C4orf17: variants seen among roughly 807,000 people sequenced by gnomAD.
The protein encoded by C4orf17 is chromosome 4 open reading frame 17.
Under a neutral mutation model 32.0 loss-of-function variants are expected in C4orf17, and 25 were observed. The observed-to-expected ratio is 0.78, with a 90% CI of 0.57 to 1.09. The LOEUF is 1.09. C4orf17 is among the 50% of genes least tolerant of loss of function. C4orf17 has a pLI of 0.00. For missense variants in C4orf17, 420 were observed against 420.0 expected, an observed-to-expected ratio of 1.00 and a Z score of 0.00; for synonymous variants, 149 against 145.8, an observed-to-expected ratio of 1.02 and a Z score of -0.16.
intron 7 of C4orf17, among the ~76,000 whole-genome samples, 155 bp from the exon 8 acceptor site, chr4:99,540,257 A>G (rs1386962421): frequency 6.6e-6 from 1 of 152,162 alleles, no homozygotes; most frequent in East Asian, 1.9e-4. Context: ...TTCATTGGGA[A>G]GTAAATTTAA....
chr4:99,519,310 A>G (rs1723246989), intron 2 of C4orf17: 1 of 152,320 alleles, frequency 6.6e-6, no homozygotes, highest in Non-Finnish European at 1.5e-5. Flanking sequence ...GCCATAAGTA[A>G]CTGACATATG....
At chr4:99,517,585 T>C (rs980825975) in intron 2 of C4orf17, among the ~76,000 whole-genome samples, 45 of 142,980 alleles carry the variant, frequency 3.1e-4, no homozygotes, top group Non-Finnish European at 4.9e-4. Flanking sequence ...CTTTAAAAAA[T>C]GTAGATTCTG....
At chr4:99,523,929 A>G (rs1318335282) in intron 3 of C4orf17, among the ~76,000 whole-genome samples, 2 of 151,772 alleles carry the variant, frequency 1.3e-5, no homozygotes, top group Non-Finnish European at 2.9e-5. Flanking sequence ...AGTGACATTT[A>G]TATGGACAGA....
chr4:99,523,807 G>T (rs988623015), intron 3 of C4orf17, among the ~76,000 whole-genome samples: 9 of 151,942 alleles, frequency 5.9e-5, no homozygotes, highest in Non-Finnish European at 1.3e-4. Flanking sequence ...AATGGGTAGG[G>T]TTGAGAGGCT....
intron 5 of C4orf17, among the ~76,000 whole-genome samples, chr4:99,532,712 G>A (rs1723496940): frequency 1.3e-5 from 2 of 151,994 alleles, no homozygotes; most frequent in Non-Finnish European, 2.9e-5. Flanking sequence ...AAAGAAGAGT[G>A]GACCAAACAC....
At chr4:99,540,704 A>C in intron 8 of C4orf17, 1 of 385,990 alleles carries the variant, frequency 2.6e-6, no homozygotes, top group East Asian at 4.3e-5. Context: ...GGACAACAGG[A>C]ACTATAGGTT....
rs1397320372 is a variant in C4orf17 at position 99,529,854 on chromosome 4, G to C, written c.442G>C (p.Ala148Pro). ...CAAAAGACCACCATCACCTCCAAAG[G>C]CATGCTCTACTCCTGGCTCCTGTTC... Reference protein sequence around the residue: ...KAKRPPSPPKACSTPGSCSSG... With the variant: ...KAKRPPSPPKPCSTPGSCSSG... The change falls in exon 5 of 9, where the codon GCA (alanine) becomes CCA (proline). Residue 148 changes from alanine (A) to proline (P), a missense_variant. Coordinates refer to ENST00000326581, the MANE Select transcript of C4orf17 (RefSeq NM_032149.3). 3.7e-6 allele frequency: 6 copies of C among 1,612,612 alleles called. No homozygotes were observed. The highest frequency in any genetic ancestry group is 2.2e-5 in the East Asian group (1 of 44,810).
At chr4:99,537,915 C>T (rs1322081193) in intron 6 of C4orf17, among the ~76,000 whole-genome samples, 165 bp downstream of exon 6, 3 of 152,166 alleles carry the variant, frequency 2.0e-5, no homozygotes, top group Non-Finnish European at 4.4e-5. Flanking sequence ...GCATATCCAG[C>T]TGCATGCATG....
intron 5 of C4orf17, among the ~76,000 whole-genome samples, chr4:99,537,230 A>G (rs910027223): frequency 5.3e-5 from 8 of 151,960 alleles, no homozygotes; most frequent in African/African-American, 1.9e-4. Flanking sequence ...TTGTATATCA[A>G]ATAAATGCCT....
chr4:99,520,096 T>A lies in C4orf17; in HGVS notation c.128-2404T>A, dbSNP rs1197052002. On this transcript the variant is annotated intron_variant, in intron 2 of 8. Transcript: ENST00000326581. ...CCCCAAAACCCACATTTAATTTTTT[T>A]TTTTTTTTTTTGAGACGGAGTCTCG... Among the ~76,000 whole-genome samples, 22 of 151,530 alleles carry A rather than the reference T, an allele frequency of 1.5e-4. No homozygotes were observed. The East Asian group carries it at 3.5e-3, about 24-fold the overall frequency.
chr4:99,539,618 A>G (rs1433133649), intron 7 of C4orf17, among the ~76,000 whole-genome samples: 1 of 152,234 alleles, frequency 6.6e-6, no homozygotes, highest in Non-Finnish European at 1.5e-5. Flanking sequence ...CTTTTTAAGA[A>G]AAATTATTTT....
chr4:99,533,319 G>A (rs568124654), intron 5 of C4orf17, among the ~76,000 whole-genome samples: 2 of 152,296 alleles, frequency 1.3e-5, no homozygotes, highest in Non-Finnish European at 2.9e-5. Context: ...CAAAATGATA[G>A]ATTAGGCTCA....
intron 3 of C4orf17, among the ~76,000 whole-genome samples, chr4:99,523,789 G>A (rs1723336464): frequency 6.6e-6 from 1 of 151,990 alleles, no homozygotes. Flanking sequence ...TTATATGACT[G>A]AGTATGAAAT....
At chr4:99,513,984 C>G (rs1194399995) in intron 2 of C4orf17, among the ~76,000 whole-genome samples, 1 of 152,050 alleles carries the variant, frequency 6.6e-6, no homozygotes, top group Admixed American at 6.6e-5. Context: ...GCCAATTCAC[C>G]TAGGATGGGG....
intron 5 of C4orf17, among the ~76,000 whole-genome samples, chr4:99,530,795 A>G (rs1413299969): frequency 6.8e-6 from 1 of 147,748 alleles, no homozygotes. Flanking sequence ...CTTGAGGAGA[A>G]TAAAAGGAAA....
intron 2 of C4orf17, among the ~76,000 whole-genome samples, chr4:99,518,584 G>GA (rs1560585688): frequency 5.4e-4 from 55 of 101,386 alleles, no homozygotes; most frequent in African/African-American, 1.5e-3. Context: ...GAGAGAGAGA[G>GA]GGAGGGAGAC....
At chr4:99,518,460 G>T (rs1723222469) in intron 2 of C4orf17, among the ~76,000 whole-genome samples, 1 of 122,808 alleles carries the variant, frequency 8.1e-6, no homozygotes, top group African/African-American at 3.2e-5. Flanking sequence ...CTCCAGCTTG[G>T]GTGACAAGCA....
chr4:99,533,006 G>T (rs1194179303), intron 5 of C4orf17, among the ~76,000 whole-genome samples: 1 of 152,098 alleles, frequency 6.6e-6, no homozygotes, highest in Non-Finnish European at 1.5e-5. Flanking sequence ...TTAAAACAAC[G>T]AACAACAATT....
chr4:99,523,807 G>C (rs988623015), intron 3 of C4orf17, among the ~76,000 whole-genome samples: 1 of 151,942 alleles, frequency 6.6e-6, no homozygotes, highest in Non-Finnish European at 1.5e-5. Context: ...AATGGGTAGG[G>C]TTGAGAGGCT....
Sources: gnomAD v4.1 joint callset for allele counts (sites outside exome capture counted in the v4.1 genomes callset) on GRCh38, gnomAD v4.1.1 for gene constraint, MANE v1.5 for transcripts, NCBI Gene and HGNC (gene_info 2026-07-23, HGNC 2026-07-21) for gene names.